SLC9A5: variants seen among roughly 807,000 people sequenced by gnomAD.
SLC9A5 encodes the protein sodium/hydrogen exchanger 5.
In SLC9A5, 52 loss-of-function variants were observed where a neutral mutation model predicts 91.7. The observed-to-expected ratio is 0.57, with a 90% CI of 0.45 to 0.71. The LOEUF is 0.71. Ranked by LOEUF, SLC9A5 falls within the 30% of genes least tolerant of loss-of-function variation. The probability of loss-of-function intolerance (pLI) is 0.00; values close to 1 mark genes in which losing one functional copy is unlikely to be tolerated. For missense variants in SLC9A5, 871 were observed against 1,158.9 expected, an observed-to-expected ratio of 0.75 and a Z score of 3.61; for synonymous variants, 419 against 474.5, an observed-to-expected ratio of 0.88 and a Z score of 1.52.
intron 10 of SLC9A5, among the ~76,000 whole-genome samples, chr16:67,259,031 C>T (rs1287616880): frequency 2.0e-5 from 3 of 150,970 alleles, no homozygotes; most frequent in South Asian, 2.1e-4. Context: ...GGGGCCAAGG[C>T]GGGTGGATCA....
At position 67,255,689 on chromosome 16, in the gene SLC9A5, C is replaced by A; in HGVS notation, c.734-64C>A. 6.7e-7 allele frequency: 1 copy of A among 1,490,836 alleles called. No individual in the cohort carries two copies. The highest frequency in any genetic ancestry group is 9.1e-7 in the Non-Finnish European group (1 of 1,104,278). The allele number at this position is 1,490,836 out of a possible 1,614,324, so 92.4% of individuals were successfully genotyped here. A position where few individuals can be genotyped will look rare whatever the true frequency, so the allele number is the denominator to read the frequency against. ...TCATCCCTCACTCCCTGCCAGGCAG[C>A]AGTCTTGTCAGCCCGGGTAGGGTCC... is the stretch of plus-strand genomic sequence containing the variant. On this transcript the variant is annotated intron_variant, in intron 4 of 15. Transcript: ENST00000299798. The surrounding 1 kb of genome is among the most constrained non-coding windows in gnomAD (Gnocchi z 4.9).
Position 67,255,700 on chromosome 16 carries a change from G to A in SLC9A5, c.734-53G>A. 1 of 1,513,540 alleles carries A rather than the reference G, an allele frequency of 6.6e-7. No individual in the cohort carries two copies. The highest frequency in any genetic ancestry group is 1.2e-5 in the South Asian group (1 of 82,500). The allele number at this position is 1,513,540 out of a possible 1,614,324, so 93.8% of individuals were successfully genotyped here. A position where few individuals can be genotyped will look rare whatever the true frequency, so the allele number is the denominator to read the frequency against. On this transcript the variant is annotated intron_variant, in intron 4 of 15. Transcript: ENST00000299798. The surrounding 1 kb of genome is among the most constrained non-coding windows in gnomAD (Gnocchi z 4.9). ...TCCCTGCCAGGCAGCAGTCTTGTCAGCCCGGGTAGGGTCCGGGCCAGGGGT... is the reference window on the plus strand; with the variant it reads ...TCCCTGCCAGGCAGCAGTCTTGTCAACCCGGGTAGGGTCCGGGCCAGGGGT...
At position 67,257,400 on chromosome 16, in the gene SLC9A5, A is replaced by G. The variant is rs748811643; in HGVS notation, c.1391A>G (p.His464Arg). 2 of 1,614,184 alleles carry G rather than the reference A, an allele frequency of 1.2e-6. No individual in the cohort carries two copies. Among genetic ancestry groups the G allele is most frequent in the East Asian group, 4.5e-5 (2 of 44,884 alleles). The change falls in exon 8 of 16, where the codon CAC becomes CGC. Residue 464 changes from histidine (H) to arginine (R), a missense_variant. This residue lies in a region of SLC9A5 where 454 missense variants were observed against 718.3 expected (regional missense o/e 0.63). Coordinates refer to ENST00000299798, the MANE Select transcript of SLC9A5 (RefSeq NM_004594.3). The surrounding 1 kb of genome is among the most constrained non-coding windows in gnomAD (Gnocchi z 5.1). ...CTGAAGGTGAAGAGGAGTGAGCATC[A>G]CAAACCCACCCTGAACCAGGAGCTG... Reference protein sequence around the residue: ...KWLKVKRSEHHKPTLNQELHE... With the variant: ...KWLKVKRSEHRKPTLNQELHE...
chr16:67,252,901 C>CCAGAGCTTGAGGAG lies in SLC9A5; in HGVS notation c.490+57_490+58insCAGAGCTTGAGGAG. 1.4e-6 allele frequency: 2 copies of CCAGAGCTTGAGGAG among 1,479,968 alleles called. No individual in the cohort carries two copies. The highest frequency in any genetic ancestry group is 1.8e-6 in the Non-Finnish European group (2 of 1,095,304). The allele number at this position is 1,479,968 out of a possible 1,614,324, so 91.7% of individuals were successfully genotyped here. A position where few individuals can be genotyped will look rare whatever the true frequency, so the allele number is the denominator to read the frequency against. ...ACCCATCACCCCTCTCCCTTCTCCT[C>CCAGAGCTTGAGGAG]AAGCTCTGGAGGCCCATGCTGGTGT... On this transcript the variant is annotated intron_variant, in intron 2 of 15. Coordinates refer to ENST00000299798, the MANE Select transcript of SLC9A5 (RefSeq NM_004594.3). The surrounding 1 kb of genome is among the most constrained non-coding windows in gnomAD (Gnocchi z 4.0).
At chr16:67,266,811 G>A (rs1214518989) in intron 15 of SLC9A5, among the ~76,000 whole-genome samples, 2 of 150,302 alleles carry the variant, frequency 1.3e-5, no homozygotes, top group Non-Finnish European at 2.9e-5. Context: ...AAAGTGCTGG[G>A]ATTACAGGCG....
chr16:67,255,770 A>G lies in SLC9A5; in HGVS notation c.751A>G (p.Ser251Gly). The change falls in exon 5 of 16, where the codon AGT becomes GGT. Residue 251 changes from serine (S) to glycine (G), a missense_variant. Ser to Gly is a moderately conservative substitution (Grantham distance 56, BLOSUM62 0). Coordinates refer to ENST00000299798, the MANE Select transcript of SLC9A5 (RefSeq NM_004594.3). The surrounding 1 kb of genome is among the most constrained non-coding windows in gnomAD (Gnocchi z 4.9). ...TCCCCCAGCCTCCCTGTTTGTGGTC[A>G]GTCTGGGCGGGGCAGCCGTGGGCTT... ...LKGVASLFVV[S>G]LGGAAVGLVF... The G allele has an allele frequency of 6.3e-7, 1 of 1,580,606 alleles. No individual in the cohort carries two copies. The highest frequency in any genetic ancestry group is 1.3e-5 in the African/African-American group (1 of 74,508).
At position 67,257,518 on chromosome 16, in the gene SLC9A5, AC is replaced by A. The variant is rs2035364128; in HGVS notation, c.1426-7del. Reference sequence around the variant, plus strand: ...GAGTCCTGATCCAGTCCCCCTACCCACCCCCCTTCTAGACTTTTGACCACAT... The same window carrying A: ...GAGTCCTGATCCAGTCCCCCTACCCACCCCCTTCTAGACTTTTGACCACAT... On this transcript the variant is annotated splice_polypyrimidine_tract_variant and intron_variant, in intron 8 of 15. Coordinates refer to ENST00000299798, the MANE Select transcript of SLC9A5 (RefSeq NM_004594.3). This position sits in a 1 kb window ranked among gnomAD's most constrained non-coding sequence, Gnocchi z 5.1. 6.2e-7 allele frequency: 1 copy of A among 1,610,546 alleles called. No individual in the cohort carries two copies. Among genetic ancestry groups the A allele is most frequent in the Non-Finnish European group, 8.5e-7 (1 of 1,178,576 alleles).
intron 12 of SLC9A5, chr16:67,262,748 A>G (rs2035572693): frequency 6.2e-6 from 1 of 160,394 alleles, no homozygotes; most frequent in South Asian, 1.8e-4. Context: ...GCATGGGAGA[A>G]AAGGAAAGAG....
chr16:67,255,771 G>T lies in SLC9A5; in HGVS notation c.752G>T (p.Ser251Ile). The change falls in exon 5 of 16, where the codon AGT becomes ATT. Residue 251 changes from serine to isoleucine, a missense_variant. Coordinates refer to ENST00000299798, the MANE Select transcript of SLC9A5 (RefSeq NM_004594.3). The surrounding 1 kb of genome is among the most constrained non-coding windows in gnomAD (Gnocchi z 4.9). Reference sequence around the variant, plus strand: ...CCCCCAGCCTCCCTGTTTGTGGTCAGTCTGGGCGGGGCAGCCGTGGGCTTA... The same window carrying T: ...CCCCCAGCCTCCCTGTTTGTGGTCATTCTGGGCGGGGCAGCCGTGGGCTTA... Reference protein sequence around the residue: ...LKGVASLFVVSLGGAAVGLVF... With the variant: ...LKGVASLFVVILGGAAVGLVF... 4 of 1,581,810 alleles carry T rather than the reference G, an allele frequency of 2.5e-6. No homozygotes were observed. In the South Asian group the frequency reaches 3.4e-5, roughly 14 times the overall value.
In SLC9A5 at chr16:67,258,397, G is replaced by T. The variant is rs2035397989; in HGVS notation, c.1576G>T (p.Asp526Tyr). 1 of 1,614,110 alleles carries T rather than the reference G, an allele frequency of 6.2e-7. No individual in the cohort carries two copies. Among genetic ancestry groups the T allele is most frequent in the African/African-American group, 1.3e-5 (1 of 74,940 alleles). Residue 526 changes from aspartate to tyrosine, a missense_variant, in exon 10 of 16, where the codon GAT (aspartate) becomes TAT (tyrosine). By Grantham distance (160) the Asp-to-Tyr change is radical. Around this residue, in one of 3 missense-constraint regions of SLC9A5, gnomAD observed 454 missense variants for 718.3 expected, o/e 0.63. Transcript: ENST00000299798. This position sits in a 1 kb window ranked among gnomAD's most constrained non-coding sequence, Gnocchi z 4.5. ...SAYRIRDQIW[D>Y]VYYRLNIRDA... ...CTACCGCATCCGGGACCAGATCTGG[G>T]ATGTGTACTACAGGCTTAACATCCG...
At chr16:67,267,092 T>G (rs1358581190) in intron 15 of SLC9A5, among the ~76,000 whole-genome samples, 19 of 146,264 alleles carry the variant, frequency 1.3e-4, no homozygotes, top group Non-Finnish European at 2.3e-4. Flanking sequence ...TTTTTTTTTT[T>G]TTTTTTTTTT....
chr16:67,249,237 A>C, intron 1 of SLC9A5, 36 bp downstream of exon 1: 1 of 1,363,056 alleles, frequency 7.3e-7, no homozygotes, highest in South Asian at 1.7e-5. Context: ...GCCGACCGCC[A>C]GCGGCGGACC....
intron 11 of SLC9A5, 21 bp from the exon 12 acceptor site, chr16:67,259,797 CAT>C (rs1420067947): frequency 1.2e-6 from 2 of 1,612,780 alleles, no homozygotes; most frequent in Admixed American, 1.7e-5. Context: ...CTCTCCAGCA[CAT>C]GTGTCCCCTG....
At position 67,252,421 on chromosome 16, in the gene SLC9A5, G is replaced by C. The variant is rs2035160898; in HGVS notation, c.188-121G>C. Reference sequence around the variant, plus strand: ...GCTGAGATTGTGCTACTGCACTCCAGCTTGGGCAACAGAGTGAGACTTCAT... The same window carrying C: ...GCTGAGATTGTGCTACTGCACTCCACCTTGGGCAACAGAGTGAGACTTCAT... On this transcript the variant is annotated intron_variant, in intron 1 of 15. Coordinates refer to ENST00000299798, the MANE Select transcript of SLC9A5 (RefSeq NM_004594.3). The surrounding 1 kb of genome is among the most constrained non-coding windows in gnomAD (Gnocchi z 4.0). 2.3e-6 allele frequency: 2 copies of C among 879,662 alleles called. No individual in the cohort carries two copies. Among genetic ancestry groups the C allele is most frequent in the Non-Finnish European group, 1.8e-6 (1 of 570,056 alleles). The allele number at this position is 879,662 out of a possible 1,614,324, so 54.5% of individuals were successfully genotyped here.
chr16:67,253,682 C>T (rs992478964), intron 2 of SLC9A5, among the ~76,000 whole-genome samples: 1 of 152,086 alleles, frequency 6.6e-6, no homozygotes, highest in Non-Finnish European at 1.5e-5. Flanking sequence ...GTCACTATGC[C>T]CAGCTAATTT....
rs1029351145 is a variant in SLC9A5 at position 67,254,959 on chromosome 16, C to G, written c.491-62C>G. ...GGTGGGGCCTGGGCTTGTTCCAGGG[C>G]GTGCTCCAGGAGACTGGGTCGTCTT... On this transcript the variant is annotated intron_variant, in intron 2 of 15. Coordinates refer to ENST00000299798, the MANE Select transcript of SLC9A5 (RefSeq NM_004594.3). 16 of 1,527,916 alleles carry G rather than the reference C, an allele frequency of 1.0e-5. No homozygotes were observed. The Admixed American group carries it at 2.9e-4, about 28-fold the overall frequency. 94.6% of individuals were successfully genotyped at this position (1,527,916 alleles called of 1,614,324 possible).
intron 15 of SLC9A5, among the ~76,000 whole-genome samples, chr16:67,267,686 T>A (rs897713041): frequency 1.3e-5 from 2 of 152,182 alleles, no homozygotes; most frequent in Non-Finnish European, 2.9e-5. Flanking sequence ...AATGGAGTTA[T>A]TGTGGACAAA....
intron 14 of SLC9A5, among the ~76,000 whole-genome samples, chr16:67,265,760 C>T (rs569802973): frequency 1.3e-5 from 2 of 152,302 alleles, no homozygotes; most frequent in East Asian, 3.9e-4. Flanking sequence ...GTTAATGGGC[C>T]TTCCAGCAAT....
At position 67,259,838 on chromosome 16, in the gene SLC9A5, A is replaced by G. The variant is rs373875799; in HGVS notation, c.1734A>G (p.Gly578=). ...CCTGCAGGAGGGAGAGTGGCAGTGG[A>G]GCGTGTCTGGATCTGCAGGTGATTG... is the stretch of plus-strand genomic sequence containing the variant. ...VTNLLRESGS[G]ACLDLQVIDT... Residue 578 remains glycine, a synonymous_variant, in exon 12 of 16, where the codon GGA becomes GGG. Transcript: ENST00000299798. 6.2e-7 allele frequency: 1 copy of G among 1,613,948 alleles called. No individual in the cohort carries two copies. The highest frequency in any genetic ancestry group is 8.5e-7 in the Non-Finnish European group (1 of 1,180,022).
Sources: gnomAD v4.1 joint callset for allele counts (sites outside exome capture counted in the v4.1 genomes callset) on GRCh38, gnomAD v4.1.1 for gene constraint, gnomAD v4.1.1 regional missense constraint, Gnocchi (gnomAD v3.1) non-coding constraint, MANE v1.5 for transcripts, NCBI Gene and HGNC (gene_info 2026-07-23, HGNC 2026-07-21) for gene names.